Variants in GPC6 observed in about 807,000 individuals in gnomAD.
GPC6 encodes the protein glypican 6.
Under a neutral mutation model 55.2 loss-of-function variants are expected in GPC6, and 14 were observed. The observed-to-expected ratio is 0.25, with a 90% CI of 0.17 to 0.40. The LOEUF (loss-of-function observed/expected upper bound fraction) is 0.40. Ranked by LOEUF, GPC6 falls within the 10% of genes least tolerant of loss-of-function variation. The probability of loss-of-function intolerance (pLI) is 1.00; values close to 1 mark genes in which losing one functional copy is unlikely to be tolerated. For missense variants in GPC6, 641 were observed against 708.5 expected (o/e 0.90, Z 1.08); for synonymous variants, 278 against 259.6 (o/e 1.07, Z -0.68).
intron 3 of GPC6, among the ~76,000 whole-genome samples, chr13:93,882,140 T>C (rs1875025478): frequency 6.6e-6 from 1 of 151,816 alleles, no homozygotes; most frequent in African/African-American, 2.4e-5. Flanking sequence ...ATTTTTGTTT[T>C]TGTTTTATTT....
chr13:93,666,558 C>T (rs994959161), intron 2 of GPC6, among the ~76,000 whole-genome samples: 2 of 151,932 alleles, frequency 1.3e-5, no homozygotes, highest in South Asian at 2.1e-4. Flanking sequence ...ATAGAGCCAA[C>T]GTTTAAAAAT....
At chr13:93,570,456 T>A (rs1445255) in intron 2 of GPC6, among the ~76,000 whole-genome samples, 137,830 of 152,206 alleles carry the variant, frequency 0.91, 62,609 homozygotes, top group African/African-American at 0.97. Flanking sequence ...CAGAGTTATT[T>A]TATCGACTTA....
rs749461213 is a variant in GPC6 at position 93,518,532 on chromosome 13, G to A, written c.161-26731G>A. 8.9e-4 allele frequency among the ~76,000 whole-genome samples: 135 copies of A among 152,068 alleles called. 2 individuals carry two copies. Among genetic ancestry groups the A allele is most frequent in the Middle Eastern group, 3.4e-3 (1 of 294 alleles). On this transcript the variant is annotated intron_variant, in intron 1 of 8. Coordinates refer to ENST00000377047, the MANE Select transcript of GPC6 (RefSeq NM_005708.5). ...ATTCATATTCTGATATTTAAAATAT[G>A]TATAAATTGAACATTTCATTAGGGA...
At chr13:93,867,687 C>T (rs187154809) in intron 3 of GPC6, among the ~76,000 whole-genome samples, 93 of 151,840 alleles carry the variant, frequency 6.1e-4, no homozygotes, top group Middle Eastern at 3.4e-3. Context: ...TTTGCTTCTC[C>T]TGCTCCACTG....
At chr13:93,984,029 AATTT>A (rs202239190) in intron 3 of GPC6, among the ~76,000 whole-genome samples, 1 of 152,036 alleles carries the variant, frequency 6.6e-6, no homozygotes, top group East Asian at 1.9e-4. Flanking sequence ...AGGAACATTG[AATTT>A]ATTTATTTAT....
rs572895596 is a variant in GPC6, at chr13:94,086,524, A to G, written c.877+58630A>G. Among the ~76,000 whole-genome samples, 4 of 152,202 alleles carry G rather than the reference A, an allele frequency of 2.6e-5. No homozygotes were observed. The East Asian group carries it at 7.7e-4, about 29-fold the overall frequency. On this transcript the variant is annotated intron_variant, in intron 4 of 8. Transcript: ENST00000377047. ...AATGTGCATGGTTTCCTAAGTAAAT[A>G]TGGGTCTTAGAAATTATAAGTGGAA...
At chr13:93,853,063 C>T (rs1205666212) in intron 3 of GPC6, among the ~76,000 whole-genome samples, 2 of 151,608 alleles carry the variant, frequency 1.3e-5, no homozygotes, top group African/African-American at 4.8e-5. Flanking sequence ...ATGTGATGAA[C>T]ATTGTTCTAT....
At chr13:93,344,980 A>G (rs1178799167) in intron 1 of GPC6, among the ~76,000 whole-genome samples, 1 of 152,184 alleles carries the variant, frequency 6.6e-6, no homozygotes, top group African/African-American at 2.4e-5. Flanking sequence ...TGTTGATGTC[A>G]TGCTTTTTTA....
intron 1 of GPC6, among the ~76,000 whole-genome samples, chr13:93,254,682 G>A (rs1189602965): frequency 6.6e-6 from 1 of 151,952 alleles, no homozygotes; most frequent in Non-Finnish European, 1.5e-5. Flanking sequence ...ATATGAAGAT[G>A]TTTTAAGTAA....
chr13:93,712,884 A>G (rs1251833986), intron 2 of GPC6, among the ~76,000 whole-genome samples: 1 of 151,596 alleles, frequency 6.6e-6, no homozygotes, highest in African/African-American at 2.4e-5. Context: ...ATTTCAGAAG[A>G]TAATAGCGTA....
intron 1 of GPC6, among the ~76,000 whole-genome samples, chr13:93,447,500 G>A (rs374632798): frequency 3.9e-5 from 6 of 152,078 alleles, no homozygotes; most frequent in East Asian, 1.9e-4. Context: ...CCAAAGTTAC[G>A]TGATGAGGAA....
intron 3 of GPC6, among the ~76,000 whole-genome samples, chr13:93,878,692 T>G (rs576417341): frequency 6.6e-6 from 1 of 152,226 alleles, no homozygotes; most frequent in East Asian, 1.9e-4. Flanking sequence ...CTTCAGACTC[T>G]TGTGCCATGT....
At chr13:93,896,226 A>T (rs996894701) in intron 3 of GPC6, among the ~76,000 whole-genome samples, 6 of 152,020 alleles carry the variant, frequency 3.9e-5, no homozygotes, top group African/African-American at 1.4e-4. Flanking sequence ...GCTTTCAGGG[A>T]AGGAAATATT....
chr13:94,301,148 A>AGTT, intron 5 of GPC6, among the ~76,000 whole-genome samples: 1 of 152,318 alleles, frequency 6.6e-6, no homozygotes, highest in East Asian at 1.9e-4. Flanking sequence ...GCCCTTGTGA[A>AGTT]GTTACCTAAT....
At chr13:93,350,303 C>T (rs769950584) in intron 1 of GPC6, among the ~76,000 whole-genome samples, 19 of 152,004 alleles carry the variant, frequency 1.2e-4, no homozygotes, top group Middle Eastern at 6.8e-3. Context: ...GGTGTGGTGG[C>T]GGGTGCTTTA....
chr13:94,271,779 C>T (rs1892035245), intron 4 of GPC6, among the ~76,000 whole-genome samples: 1 of 151,994 alleles, frequency 6.6e-6, no homozygotes, highest in African/African-American at 2.4e-5. Context: ...CTCCCTTTTT[C>T]TCTCCCTCCT....
intron 1 of GPC6, among the ~76,000 whole-genome samples, chr13:93,256,582 C>T (rs1462626696): frequency 6.6e-6 from 1 of 152,136 alleles, no homozygotes; most frequent in Non-Finnish European, 1.5e-5. Flanking sequence ...ATTTAGTACA[C>T]ATATAATGAA....
At chr13:93,691,721 C>A (rs557719318) in intron 2 of GPC6, among the ~76,000 whole-genome samples, 5 of 151,960 alleles carry the variant, frequency 3.3e-5, no homozygotes, top group Admixed American at 1.3e-4. Context: ...TTGTTGCTGT[C>A]CTGTATGGGC....
At chr13:93,945,264 A>G (rs542305956) in intron 3 of GPC6, among the ~76,000 whole-genome samples, 2 of 152,356 alleles carry the variant, frequency 1.3e-5, no homozygotes, top group African/African-American at 2.4e-5. Context: ...GCAGTTTAAT[A>G]TAGTCAATTG....
Sources: gnomAD v4.1 joint callset for allele counts (sites outside exome capture counted in the v4.1 genomes callset) on GRCh38, gnomAD v4.1.1 for gene constraint, MANE v1.5 for transcripts, NCBI Gene and HGNC (gene_info 2026-07-23, HGNC 2026-07-21) for gene names.